ADD1: variants seen among roughly 807,000 people sequenced by gnomAD.
ADD1 encodes alpha-adducin.
A neutral mutation model predicts 80.5 loss-of-function variants in ADD1; 24 were observed. That is an observed-to-expected ratio of 0.30 (90% CI 0.22 to 0.42). The LOEUF (loss-of-function observed/expected upper bound fraction) is 0.42. Among genes scored for constraint, ADD1 ranks in the 10% least tolerant of loss-of-function variants. ADD1 has a pLI of 1.00. For synonymous variants in ADD1, 373 were observed against 393.8 expected (o/e 0.95, Z 0.63); for missense variants, 948 against 1,019.0 (o/e 0.93, Z 0.95).
intron 9 of ADD1, 147 bp downstream of exon 9, chr4:2,899,582 A>C: frequency 1.2e-6 from 1 of 840,364 alleles, no homozygotes; most frequent in Non-Finnish European, 2.0e-6. Context: ...AGGGTTGTTT[A>C]ACTTCTGAGG....
intron 13 of ADD1, among the ~76,000 whole-genome samples, chr4:2,912,634 CTCCCACCT>C (rs1024281822): frequency 4.6e-5 from 7 of 152,192 alleles, no homozygotes; most frequent in African/African-American, 1.7e-4. Context: ...CAAAAGAATC[CTCCCACCT>C]CAGCCTCCTC....
At chr4:2,915,116 C>T in intron 14 of ADD1, 76 bp downstream of exon 14, 2 of 1,472,360 alleles carry the variant, frequency 1.4e-6, no homozygotes, top group Non-Finnish European at 1.8e-6. Flanking sequence ...GGTCCAGGTG[C>T]TGGCTGTGGG....
chr4:2,867,699 A>G (rs1024591090), intron 1 of ADD1, among the ~76,000 whole-genome samples: 14 of 152,232 alleles, frequency 9.2e-5, no homozygotes, highest in African/African-American at 3.4e-4. Flanking sequence ...GGGAGGAAGC[A>G]AGAGGACCCA....
At chr4:2,884,055 CT>C (rs1732841277) in intron 3 of ADD1, among the ~76,000 whole-genome samples, 1 of 152,196 alleles carries the variant, frequency 6.6e-6, no homozygotes, top group Non-Finnish European at 1.5e-5. Context: ...TATTTTTAAA[CT>C]TCTCAGAGAT....
rs182701936 is a variant in ADD1 at position 2,920,079 on chromosome 4, C to T, written c.1948+5039C>T. Among the ~76,000 whole-genome samples the T allele has an allele frequency of 7.9e-5, 12 of 152,238 alleles. 1 individual carries two copies. The highest frequency in any genetic ancestry group is 2.9e-4 in the African/African-American group (12 of 41,520). ...TTTTCAAAGAACTTATTTATTTCTG[C>T]GTGAATTTTGTTATTTACCCAGTAG... On this transcript the variant is annotated intron_variant, in intron 14 of 15. Transcript: ENST00000683351.
Position 2,898,286 on chromosome 4 carries a change from G to C in ADD1, c.844G>C (p.Glu282Gln), listed in dbSNP as rs776334018. ...DYHGILVDEE[E>Q]KVLIQKNLGP... ...CCATGGCATTCTGGTTGATGAAGAG[G>C]AAAAAGTTTTGATTCAGAAAAATCT... Residue 282 changes from glutamate (E) to glutamine (Q), a missense_variant, in exon 7 of 16, where the codon GAA becomes CAA. Transcript: ENST00000683351. 2 of 1,614,168 alleles carry C rather than the reference G, an allele frequency of 1.2e-6. No individual in the cohort carries two copies.
chr4:2,909,344 A>T lies in ADD1; in HGVS notation c.1704A>T (p.Ala568=). ...GACTCAGTTTACTGTTTCAGGATGC[A>T]CCTCTCTCTGACTGTACGGAAACTA... ...VVMDRSLVQD[A]PLSDCTETIE... is the part of the protein sequence containing the mutation. The change falls in exon 13 of 16, where the codon GCA becomes GCT. Residue 568 remains alanine (A), a synonymous_variant. Transcript: ENST00000683351. 2 of 1,549,916 alleles carry T rather than the reference A, an allele frequency of 1.3e-6. No individual in the cohort carries two copies. Among genetic ancestry groups the T allele is most frequent in the Non-Finnish European group, 1.7e-6 (2 of 1,146,568 alleles).
chr4:2,910,131 TC>T lies in ADD1; in HGVS notation c.1791+703del, dbSNP rs1263740650. Among the ~76,000 whole-genome samples, 3 of 149,222 alleles carry T rather than the reference TC, an allele frequency of 2.0e-5. No individual in the cohort carries two copies. The East Asian group carries it at 5.9e-4, about 30-fold the overall frequency. On this transcript the variant is annotated intron_variant, in intron 13 of 15. Coordinates refer to ENST00000683351, the MANE Select transcript of ADD1 (RefSeq NM_001354761.2). ...AACCCACCCACGTAGAAGGAAATCCTCCCTAAGAATCTAGGCTGCTAGTGTG... is the reference window on the plus strand; with the variant it reads ...AACCCACCCACGTAGAAGGAAATCCTCCTAAGAATCTAGGCTGCTAGTGTG...
chr4:2,889,998 A>G (rs1456767430), intron 4 of ADD1, among the ~76,000 whole-genome samples: 1 of 152,060 alleles, frequency 6.6e-6, no homozygotes, highest in East Asian at 1.9e-4. Flanking sequence ...CAGGAGTTTG[A>G]GACCAGTGTG....
intron 12 of ADD1, 76 bp downstream of exon 12, chr4:2,908,680 G>A (rs574936418): frequency 2.4e-6 from 3 of 1,251,490 alleles, no homozygotes; most frequent in South Asian, 2.4e-5. Context: ...TTCTGAAATT[G>A]AGAGAGTGAC....
intron 15 of ADD1, 80 bp from the exon 16 acceptor site, chr4:2,928,091 G>C: frequency 7.8e-7 from 1 of 1,276,062 alleles, no homozygotes; most frequent in Non-Finnish European, 1.1e-6. Context: ...GCAGTTTCGT[G>C]TGTGGGGCTC....
intron 1 of ADD1, among the ~76,000 whole-genome samples, chr4:2,872,896 T>C (rs966890098): frequency 1.3e-5 from 2 of 152,032 alleles, no homozygotes; most frequent in African/African-American, 4.8e-5. Flanking sequence ...TTTAAATTAG[T>C]TTAAATTTAT....
rs867064284 is a variant in ADD1, at chr4:2,929,115, C to G, written c.*592C>G. 2 of 152,482 alleles carry G rather than the reference C, an allele frequency of 1.3e-5. No homozygotes were observed. Among genetic ancestry groups the G allele is most frequent in the Non-Finnish European group, 2.9e-5 (2 of 68,292 alleles). The allele number at this position is 152,482 out of a possible 1,614,324, so 9.4% of individuals were successfully genotyped here. A position where few individuals can be genotyped will look rare whatever the true frequency, so the allele number is the denominator to read the frequency against. On this transcript the variant is annotated 3_prime_UTR_variant, in exon 16 of 16. Transcript: ENST00000683351. ...GGCAGATGGGCCTGTGTGCACCCAA[C>G]GTGATGCTATGCATGTCTGACCGAC...
At chr4:2,908,412 T>A in intron 11 of ADD1, 103 bp from the exon 12 acceptor site, 2 of 997,210 alleles carry the variant, frequency 2.0e-6, no homozygotes, top group Non-Finnish European at 3.1e-6. Flanking sequence ...AGAGCTGAAA[T>A]GTAGCTTCCA....
Position 2,926,131 on chromosome 4 carries a change from C to T in ADD1, c.2047+19C>T, listed in dbSNP as rs781017765. On this transcript the variant is annotated intron_variant, in intron 15 of 15. Coordinates refer to ENST00000683351, the MANE Select transcript of ADD1 (RefSeq NM_001354761.2). This position sits in a 1 kb window ranked among gnomAD's most constrained non-coding sequence, Gnocchi z 5.0. Reference sequence around the variant, plus strand: ...GAGGAAGGTGAGCTCTGGGTGGCAGCGGCCGCCACTGTGGGAGGGTGCACG... The same window carrying T: ...GAGGAAGGTGAGCTCTGGGTGGCAGTGGCCGCCACTGTGGGAGGGTGCACG... The T allele has an allele frequency of 2.6e-5, 42 of 1,604,670 alleles. No individual in the cohort carries two copies. The highest frequency in any genetic ancestry group is 1.7e-4 in the Middle Eastern group (1 of 6,036).
At chr4:2,861,868 G>T (rs1198235534) in intron 1 of ADD1, among the ~76,000 whole-genome samples, 11 of 152,186 alleles carry the variant, frequency 7.2e-5, no homozygotes, top group Admixed American at 7.2e-4. Context: ...GCCCACATGT[G>T]GCCCAGGACA....
chr4:2,876,799 A>G (rs1731379856), intron 2 of ADD1, among the ~76,000 whole-genome samples: 1 of 151,604 alleles, frequency 6.6e-6, no homozygotes, highest in South Asian at 2.1e-4. Context: ...AGATCATGCC[A>G]CTGCACTTCA....
At chr4:2,903,519 G>T (rs1018009498) in intron 9 of ADD1, among the ~76,000 whole-genome samples, 1 of 152,204 alleles carries the variant, frequency 6.6e-6, no homozygotes, top group Non-Finnish European at 1.5e-5. Flanking sequence ...TCCACATCCA[G>T]GCTCTTCTAG....
At chr4:2,920,280 G>A (rs561996352) in intron 14 of ADD1, among the ~76,000 whole-genome samples, 1 of 152,182 alleles carries the variant, frequency 6.6e-6, no homozygotes, top group African/African-American at 2.4e-5. Flanking sequence ...GAATAAGTGC[G>A]ATGTGGTGCT....
Sources: gnomAD v4.1 joint callset for allele counts (sites outside exome capture counted in the v4.1 genomes callset) on GRCh38, gnomAD v4.1.1 for gene constraint, Gnocchi (gnomAD v3.1) non-coding constraint, MANE v1.5 for transcripts, NCBI Gene and HGNC (gene_info 2026-07-23, HGNC 2026-07-21) for gene names.